ERC1: variants seen among roughly 807,000 people sequenced by gnomAD.
ERC1 encodes ELKS/RAB6-interacting/CAST family member 1.
A neutral mutation model predicts 132.0 loss-of-function variants in ERC1; 56 were observed. That is an observed-to-expected ratio of 0.42 (90% CI 0.34 to 0.53). The LOEUF is 0.53. Ranked by LOEUF, ERC1 falls within the 20% of genes least tolerant of loss-of-function variation. The pLI, the probability that ERC1 is intolerant of heterozygous loss-of-function variation, is 0.03. For synonymous variants in ERC1, 478 were observed against 476.1 expected (o/e 1.00, Z -0.05); for missense variants, 1,202 against 1,349.9 (o/e 0.89, Z 1.72).
rs370258298 is a variant in ERC1, at chr12:1,315,507, C to G, written c.2780+25495C>G. 2.0e-5 allele frequency among the ~76,000 whole-genome samples: 3 copies of G among 152,124 alleles called. No individual in the cohort carries two copies. The South Asian group carries it at 6.2e-4, about 32-fold the overall frequency. Reference sequence around the variant, plus strand: ...CTGGGATTACAGGTGCCCGCCACAACGCCTAGCTAATTTTTGTATTTTTAG... The same window carrying G: ...CTGGGATTACAGGTGCCCGCCACAAGGCCTAGCTAATTTTTGTATTTTTAG... On this transcript the variant is annotated intron_variant, in intron 15 of 18. Coordinates refer to ENST00000360905, the MANE Select transcript of ERC1 (RefSeq NM_178040.4).
chr12:1,424,790 A>C (rs1341505595), intron 17 of ERC1, among the ~76,000 whole-genome samples: 1 of 127,406 alleles, frequency 7.8e-6, no homozygotes, highest in East Asian at 2.3e-4. Context: ...GAAGAGCTTG[A>C]GATGATAGAT....
intron 15 of ERC1, among the ~76,000 whole-genome samples, chr12:1,296,864 A>AT (rs2079992805): frequency 6.6e-6 from 1 of 152,208 alleles, no homozygotes; most frequent in Admixed American, 6.5e-5. Flanking sequence ...ATGGGTTAAC[A>AT]TACATGTGGA....
At chr12:1,062,572 T>C (rs928631286) in intron 2 of ERC1, among the ~76,000 whole-genome samples, 5 of 152,230 alleles carry the variant, frequency 3.3e-5, no homozygotes, top group Non-Finnish European at 5.9e-5. Flanking sequence ...TCTGGGAAGA[T>C]ACTTGATATG....
intron 3 of ERC1, among the ~76,000 whole-genome samples, chr12:1,097,967 G>A (rs1402667263): frequency 6.6e-6 from 1 of 152,098 alleles, no homozygotes; most frequent in East Asian, 1.9e-4. Flanking sequence ...TGCCCGCCTT[G>A]GCCTCCCAAA....
chr12:1,035,923 G>GA (rs1035472011), intron 2 of ERC1, among the ~76,000 whole-genome samples: 25 of 141,708 alleles, frequency 1.8e-4, no homozygotes, highest in Non-Finnish European at 2.2e-4. Flanking sequence ...CTCCGTCTCA[G>GA]AAAAAAAAAA....
chr12:1,440,442 G>C (rs577963089), intron 17 of ERC1, among the ~76,000 whole-genome samples: 2 of 149,790 alleles, frequency 1.3e-5, no homozygotes, highest in South Asian at 2.1e-4. Flanking sequence ...TCCTGACCTC[G>C]TGATCTGCCC....
At chr12:1,050,594 T>C (rs1971773946) in intron 2 of ERC1, among the ~76,000 whole-genome samples, 2 of 152,234 alleles carry the variant, frequency 1.3e-5, no homozygotes, top group South Asian at 4.1e-4. Context: ...GTGTTTTCCC[T>C]ATTCTTTGTT....
intron 14 of ERC1, among the ~76,000 whole-genome samples, chr12:1,280,842 T>A (rs1238476986): frequency 1.3e-5 from 2 of 152,376 alleles, no homozygotes; most frequent in African/African-American, 4.8e-5. Flanking sequence ...ATCCTTTTAC[T>A]TTTCTCCCTT....
chr12:1,106,805 G>T (rs1026084593), intron 4 of ERC1, among the ~76,000 whole-genome samples: 2 of 152,140 alleles, frequency 1.3e-5, no homozygotes, highest in Non-Finnish European at 2.9e-5. Context: ...ACAGAATGAG[G>T]ACGAGTAATA....
chr12:1,003,096 C>CAAAAAAAAAAAAAAAAA (rs59507923), intron 1 of ERC1, among the ~76,000 whole-genome samples: 19 of 86,760 alleles, frequency 2.2e-4, no homozygotes, highest in South Asian at 4.9e-4. Flanking sequence ...ATGAAAAATG[C>CAAAAAAAAAAAAAAAAA]AAAAAAAAAA....
chr12:1,270,045 C>T (rs898151671), intron 14 of ERC1, among the ~76,000 whole-genome samples: 5 of 152,124 alleles, frequency 3.3e-5, no homozygotes, highest in Non-Finnish European at 7.3e-5. Context: ...TTCGATGACA[C>T]GTTACTATCT....
At chr12:1,487,809 C>CGA (rs1555132933) in intron 18 of ERC1, among the ~76,000 whole-genome samples, 29 of 145,764 alleles carry the variant, frequency 2.0e-4, no homozygotes, top group Admixed American at 1.5e-3. Context: ...AGAAAAGAAA[C>CGA]GAGAGAGAGA....
At chr12:1,035,307 A>G (rs1428440153) in intron 2 of ERC1, among the ~76,000 whole-genome samples, 3 of 152,206 alleles carry the variant, frequency 2.0e-5, no homozygotes, top group East Asian at 3.8e-4. Context: ...TAAATATTGG[A>G]TCTGATTGGA....
At chr12:1,063,287 A>G (rs901819484) in intron 2 of ERC1, among the ~76,000 whole-genome samples, 10 of 149,208 alleles carry the variant, frequency 6.7e-5, no homozygotes, top group African/African-American at 2.5e-4. Context: ...TTGAGATGGA[A>G]TATTGCTCTG....
intron 8 of ERC1, 79 bp downstream of exon 8, chr12:1,141,866 T>C (rs1222207362): frequency 1.7e-6 from 2 of 1,156,144 alleles, no homozygotes; most frequent in Non-Finnish European, 2.3e-6. Context: ...TTCTAAATGC[T>C]GTCAGAGTTT....
At chr12:1,193,453 CACAT>C (rs1955925902) in intron 12 of ERC1, among the ~76,000 whole-genome samples, 1 of 143,540 alleles carries the variant, frequency 7.0e-6, no homozygotes, top group African/African-American at 2.7e-5. Context: ...CACACACACA[CACAT>C]AGAGATAGAT....
chr12:1,076,355 A>G (rs1250621659), intron 2 of ERC1, among the ~76,000 whole-genome samples: 4 of 148,504 alleles, frequency 2.7e-5, no homozygotes, highest in Non-Finnish European at 6.0e-5. Flanking sequence ...TTTAAGAATT[A>G]CTTGTATTGG....
intron 2 of ERC1, among the ~76,000 whole-genome samples, chr12:1,030,981 A>G (rs559747535): frequency 5.3e-5 from 8 of 152,186 alleles, no homozygotes; most frequent in African/African-American, 9.7e-5. Context: ...CTTTCTCAGA[A>G]CATATCTCTG....
chr12:1,213,055 C>CTA (rs1343960183), intron 12 of ERC1, among the ~76,000 whole-genome samples: 1 of 152,170 alleles, frequency 6.6e-6, no homozygotes, highest in African/African-American at 2.4e-5. Flanking sequence ...TTTTAGTTGT[C>CTA]TAGTAATCCC....
Sources: allele counts gnomAD v4.1 joint callset (sites outside exome capture counted in the v4.1 genomes callset), GRCh38; gene constraint gnomAD v4.1.1; transcripts MANE v1.5; gene names NCBI Gene and HGNC (gene_info 2026-07-23, HGNC 2026-07-21).